TINF2: variants seen among roughly 807,000 people sequenced by gnomAD.
TINF2 encodes TERF1-interacting nuclear factor 2.
Under a neutral mutation model 50.4 loss-of-function variants are expected in TINF2, and 27 were observed. That is an observed-to-expected ratio of 0.54 (90% CI 0.40 to 0.74). The LOEUF is 0.74. Among genes scored for constraint, TINF2 ranks in the 30% least tolerant of loss-of-function variants. The probability of loss-of-function intolerance (pLI) is 0.00; values close to 1 mark genes in which losing one functional copy is unlikely to be tolerated. For synonymous variants in TINF2, 223 were observed against 214.6 expected (o/e 1.04, Z -0.34); for missense variants, 496 against 551.5 (o/e 0.90, Z 1.01).
At position 24,239,796 on chromosome 14, in the gene TINF2, A is replaced by G. The variant is rs746367984; in HGVS notation, c.*1T>C. On this transcript the variant is annotated 3_prime_UTR_variant, in exon 9 of 9. Transcript: ENST00000267415. ...AGAGTACAGAGAGCATTTTAGTTCT[A>G]TCACAAAGGTCTAGAACTGTCTCTA... 2.5e-6 allele frequency: 4 copies of G among 1,614,086 alleles called. No homozygotes were observed. The Admixed American group carries it at 5.0e-5, about 20-fold the overall frequency.
chr14:24,240,190 C>G (rs753271605), intron 7 of TINF2, 35 bp from the exon 8 acceptor site: 1 of 1,614,062 alleles, frequency 6.2e-7, no homozygotes, highest in South Asian at 1.1e-5. Context: ...ACTACTACTT[C>G]TAGATGAACA....
At position 24,240,075 on chromosome 14, in the gene TINF2, C is replaced by A; in HGVS notation, c.1210G>T (p.Gly404Trp). 1 of 1,614,142 alleles carries A rather than the reference C, an allele frequency of 6.2e-7. No homozygotes were observed. The highest frequency in any genetic ancestry group is 8.5e-7 in the Non-Finnish European group (1 of 1,180,038). The part of the protein sequence containing the change: ...LDSDEEENGQ[G>W]EGKESLENYQ... ...TCCTTCCCACTCACCTTTCCTTCCCCCTGGCCATTTTCTTCCTCATCAGAG... is the reference window on the plus strand; with the variant it reads ...TCCTTCCCACTCACCTTTCCTTCCCACTGGCCATTTTCTTCCTCATCAGAG... Residue 404 changes from glycine to tryptophan, a missense_variant, in exon 8 of 9, where the codon GGG becomes TGG. Transcript: ENST00000267415.
Position 24,241,979 on chromosome 14 carries a change from T to A in TINF2, c.208A>T (p.Ile70Phe). Reference protein sequence around the residue: ...GLKAKVVVELILQGRPWAQVL... With the variant: ...GLKAKVVVELFLQGRPWAQVL... Reference sequence around the variant, plus strand: ...TGGGCCCAAGGCCGGCCCTGCAGGATCAGCTCCACCACCACCTGTACGGTA... The same window carrying A: ...TGGGCCCAAGGCCGGCCCTGCAGGAACAGCTCCACCACCACCTGTACGGTA... The change falls in exon 2 of 9, where the codon ATC becomes TTC. Residue 70 changes from isoleucine (I) to phenylalanine (F), a missense_variant. By Grantham distance (21) the Ile-to-Phe change is conservative (BLOSUM62 0). This residue lies in a region of TINF2 where 314 missense variants were observed against 343.8 expected (regional missense o/e 0.91). Transcript: ENST00000267415. 1 of 1,614,168 alleles carries A rather than the reference T, an allele frequency of 6.2e-7. No individual in the cohort carries two copies. Among genetic ancestry groups the A allele is most frequent in the Non-Finnish European group, 8.5e-7 (1 of 1,180,014 alleles).
Position 24,242,540 on chromosome 14 carries a change from C to T in TINF2, c.-208G>A. 1 of 1,418,672 alleles carries T rather than the reference C, an allele frequency of 7.0e-7. No homozygotes were observed. Among genetic ancestry groups the T allele is most frequent in the Non-Finnish European group, 9.2e-7 (1 of 1,090,732 alleles). 87.9% of individuals were successfully genotyped at this position (1,418,672 alleles called of 1,614,324 possible). ...GTCTTCTGGCTCGGGCTGGAGGAGC[C>T]TGAGTGGAGAAGCTGACCGTCTCCA... is the stretch of plus-strand genomic sequence containing the variant. On this transcript the variant is annotated 5_prime_UTR_variant, in exon 1 of 9. Transcript: ENST00000267415.
Position 24,241,107 on chromosome 14 carries a change from C to A in TINF2, c.517G>T (p.Val173Leu). The change falls in exon 5 of 9, where the codon GTG becomes TTG. Residue 173 changes from valine to leucine, a missense_variant. Physicochemically the swap from Val to Leu is conservative, Grantham distance 32 (BLOSUM62 1). Coordinates refer to ENST00000267415, the MANE Select transcript of TINF2 (RefSeq NM_001099274.3). ...PTPQAQQLQDVLSWMQPGVSI... is the reference protein window; with the variant it reads ...PTPQAQQLQDLLSWMQPGVSI... Reference sequence around the variant, plus strand: ...ACTCCAGGCTGCATCCAACTCAGCACATCCTGAAGCTGTGGGCAGGGACAG... The same window carrying A: ...ACTCCAGGCTGCATCCAACTCAGCAAATCCTGAAGCTGTGGGCAGGGACAG... 6.2e-7 allele frequency: 1 copy of A among 1,614,202 alleles called. No homozygotes were observed. The highest frequency in any genetic ancestry group is 8.5e-7 in the Non-Finnish European group (1 of 1,180,040).
At chr14:24,241,542 G>A (rs998241451) in intron 3 of TINF2, 133 bp downstream of exon 3, 17 of 845,084 alleles carry the variant, frequency 2.0e-5, no homozygotes, top group Middle Eastern at 2.3e-4. Context: ...GCTTGAACCC[G>A]GGAGGCAGAG....
Position 24,240,250 on chromosome 14 carries a change from T to C in TINF2, c.1129+13A>G. 1.2e-6 allele frequency: 2 copies of C among 1,613,966 alleles called. No individual in the cohort carries two copies. Among genetic ancestry groups the C allele is most frequent in the Middle Eastern group, 1.6e-4 (1 of 6,062 alleles). On this transcript the variant is annotated intron_variant, in intron 7 of 8. Coordinates refer to ENST00000267415, the MANE Select transcript of TINF2 (RefSeq NM_001099274.3). ...AGGAGGCTGTTGATCCAATCCTGACTCAGACTACCTACCTGGCTTCCTGGC... is the reference window on the plus strand; with the variant it reads ...AGGAGGCTGTTGATCCAATCCTGACCCAGACTACCTACCTGGCTTCCTGGC...
Position 24,240,534 on chromosome 14 carries a change from G to C in TINF2, c.946C>G (p.Leu316Val). The stretch of plus-strand genomic sequence containing the variant: ...GAGGCTGCTCTTGTGCCCATGGCTA[G>C]GTCTGCTGTGTATATCGCATGTTCT... The part of the protein sequence containing the change: ...KEEHAIYTAD[L>V]AMGTRAASTG... The change falls in exon 6 of 9, where the codon CTA becomes GTA. Residue 316 changes from leucine (L) to valine (V), a missense_variant. This residue lies in a region of TINF2 where 179 missense variants were observed against 188.3 expected (regional missense o/e 0.95). Transcript: ENST00000267415. 9 of 1,614,204 alleles carry C rather than the reference G, an allele frequency of 5.6e-6. No individual in the cohort carries two copies. The highest frequency in any genetic ancestry group is 7.6e-6 in the Non-Finnish European group (9 of 1,180,044).
chr14:24,242,650 T>G, upstream of TINF2: 5 of 1,182,712 alleles, frequency 4.2e-6, no homozygotes, highest in Non-Finnish European at 4.2e-6. Context: ...CTAGCTTCCC[T>G]TGCCCCGGAA....
At position 24,242,601 on chromosome 14, in the gene TINF2, T is replaced by G; in HGVS notation, c.-269A>C. 2 of 1,303,874 alleles carry G rather than the reference T, an allele frequency of 1.5e-6. No homozygotes were observed. The allele number at this position is 1,303,874 out of a possible 1,614,324, so 80.8% of individuals were successfully genotyped here. On this transcript the variant is annotated 5_prime_UTR_variant, in exon 1 of 9. Coordinates refer to ENST00000267415, the MANE Select transcript of TINF2 (RefSeq NM_001099274.3). ...GTCGCTCAGCTTTAAACGTCGCCGC[T>G]GTCTCGAGCCCGAGGGTGCCTCACT...
chr14:24,242,287 C>G lies in TINF2; in HGVS notation c.46G>C (p.Ala16Pro), dbSNP rs1183471920. Residue 16 changes from alanine (A) to proline (P), a missense_variant, in exon 1 of 9, where the codon GCC becomes CCC. Around this residue, in one of 3 missense-constraint regions of TINF2, gnomAD observed 314 missense variants for 343.8 expected, o/e 0.91. Transcript: ENST00000267415. ...VAGPAALRFAAAASWQVVRGR... is the reference protein window; with the variant it reads ...VAGPAALRFAPAASWQVVRGR... ...CGCACAACCTGCCAGCTAGCCGCGG[C>G]GGCGAAGCGTAGAGCTGCGGGACCC... 1 of 1,613,788 alleles carries G rather than the reference C, an allele frequency of 6.2e-7. No homozygotes were observed. Among genetic ancestry groups the G allele is most frequent in the Non-Finnish European group, 8.5e-7 (1 of 1,180,002 alleles).
intron 3 of TINF2, 56 bp from the exon 4 acceptor site, chr14:24,241,367 C>A (rs150770946): frequency 6.4e-7 from 1 of 1,565,868 alleles, no homozygotes; most frequent in Non-Finnish European, 8.8e-7. Context: ...CGGTGGCTCA[C>A]GCCTGTAATC....
At chr14:24,241,608 T>G (rs1484959667) in intron 3 of TINF2, 67 bp downstream of exon 3, 5 of 1,324,098 alleles carry the variant, frequency 3.8e-6, no homozygotes, top group East Asian at 2.5e-5. Context: ...CAGAGCAAGA[T>G]TCCTCAAAAA....
rs751773020 is a variant in TINF2 at position 24,240,496 on chromosome 14, A to G, written c.984T>C (p.Ser328=). The part of the protein sequence containing the change: ...MGTRAASTGK[S]KSPCQTLGGR... The stretch of plus-strand genomic sequence containing the variant: ...CCCCCAGGGTCTGGCATGGACTCTT[A>G]GACTTCCCAGTGGAGGCTGCTCTTG... The change falls in exon 6 of 9, where the codon TCT becomes TCC. Residue 328 remains serine (S), a synonymous_variant. Transcript: ENST00000267415. The G allele has an allele frequency of 3.2e-5, 51 of 1,614,040 alleles. No homozygotes were observed. In the East Asian group the frequency reaches 1.1e-3, roughly 34 times the overall value.
rs1299652080 is a variant in TINF2, at chr14:24,239,682, T to C, written c.*115A>G. ...AAGTTTAATTATTAAGGATTACAAA[T>C]ATTTTTAGCAGTGTAGTTAGGCAAT... On this transcript the variant is annotated 3_prime_UTR_variant, in exon 9 of 9. Transcript: ENST00000267415. 3.7e-6 allele frequency: 6 copies of C among 1,601,958 alleles called. No homozygotes were observed. Among genetic ancestry groups the C allele is most frequent in the Non-Finnish European group, 5.1e-6 (6 of 1,175,592 alleles).
chr14:24,241,561 G>C, intron 3 of TINF2, 114 bp downstream of exon 3: 2 of 946,496 alleles, frequency 2.1e-6, no homozygotes, highest in South Asian at 2.8e-5. Context: ...AGGTTGCAGT[G>C]AGCCGAGATT....
rs2040546606 is a variant in TINF2 at position 24,240,421 on chromosome 14, C to CT, written c.1058dup (p.Glu354GlyfsTer19). 2 of 1,614,062 alleles carry CT rather than the reference C, an allele frequency of 1.2e-6. No homozygotes were observed. The highest frequency in any genetic ancestry group is 1.7e-6 in the Non-Finnish European group (2 of 1,180,046). ...AGAAGCAACTCTGTTCCACTCACTC[C>CT]TTTTGCTCTGTGGCAGGCAAGTCAA... is the stretch of plus-strand genomic sequence containing the variant. On this transcript the variant is annotated frameshift_variant, in exon 6 of 9. Coordinates refer to ENST00000267415, the MANE Select transcript of TINF2 (RefSeq NM_001099274.3). LOFTEE classifies it high-confidence loss of function.
chr14:24,241,974 C>T lies in TINF2; in HGVS notation c.213G>A (p.Leu71=). 6.2e-7 allele frequency: 1 copy of T among 1,614,240 alleles called. No homozygotes were observed. Among genetic ancestry groups the T allele is most frequent in the Non-Finnish European group, 8.5e-7 (1 of 1,180,030 alleles). ...GGACTTGGGCCCAAGGCCGGCCCTG[C>T]AGGATCAGCTCCACCACCACCTGTA... ...LKAKVVVELI[L]QGRPWAQVLK... Residue 71 remains leucine, a synonymous_variant, in exon 2 of 9, where the codon CTG becomes CTA. Coordinates refer to ENST00000267415, the MANE Select transcript of TINF2 (RefSeq NM_001099274.3).
rs202145617 is a variant in TINF2, at chr14:24,240,783, T to C, written c.697A>G (p.Lys233Glu). ...GGAAGATGTGTGCCAGGCTTGGCTT[T>C]TGGCAGGGGATTGTGGAGTGCTAGT... ...QRLALHNPLPKAKPGTHLPQG... is the reference protein window; with the variant it reads ...QRLALHNPLPEAKPGTHLPQG... Residue 233 changes from lysine (K) to glutamate (E), a missense_variant, in exon 6 of 9, where the codon AAA becomes GAA. Physicochemically the swap from Lys to Glu is moderately conservative, Grantham distance 56. Around this residue, in one of 3 missense-constraint regions of TINF2, gnomAD observed 314 missense variants for 343.8 expected, o/e 0.91. Transcript: ENST00000267415. 1 of 1,613,600 alleles carries C rather than the reference T, an allele frequency of 6.2e-7. No homozygotes were observed. The highest frequency in any genetic ancestry group is 1.3e-5 in the African/African-American group (1 of 74,822).
Sources: gnomAD v4.1 joint callset for allele counts on GRCh38, gnomAD v4.1.1 for gene constraint, gnomAD v4.1.1 regional missense constraint, MANE v1.5 for transcripts, NCBI Gene and HGNC (gene_info 2026-07-23, HGNC 2026-07-21) for gene names.